Variants in NRXN3 observed in about 807,000 individuals in gnomAD.
NRXN3 encodes the protein neurexin 3.
In NRXN3, 32 loss-of-function variants were observed where a neutral mutation model predicts 137.6. That is an observed-to-expected ratio of 0.23 (90% confidence interval 0.18 to 0.31). NRXN3 has a LOEUF of 0.31. NRXN3 is among the 10% of genes least tolerant of loss of function. The probability of loss-of-function intolerance (pLI) is 1.00; values close to 1 mark genes in which losing one functional copy is unlikely to be tolerated. For missense variants in NRXN3, 1,574 were observed against 2,062.5 expected, an observed-to-expected ratio of 0.76 and a Z score of 4.59; for synonymous variants, 798 against 784.5, an observed-to-expected ratio of 1.02 and a Z score of -0.29.
chr14:78,400,540 C>A (rs2091955987), intron 4 of NRXN3, among the ~76,000 whole-genome samples: 1 of 152,198 alleles, frequency 6.6e-6, no homozygotes, highest in Non-Finnish European at 1.5e-5. Flanking sequence ...ATACATGGGC[C>A]TGAGAATCCT....
intron 15 of NRXN3, among the ~76,000 whole-genome samples, chr14:79,203,485 C>A (rs1325854847): frequency 6.6e-6 from 1 of 152,110 alleles, no homozygotes; most frequent in East Asian, 1.9e-4. Context: ...CCTACATATG[C>A]CCCATCTAGA....
chr14:79,371,172 G>A (rs1944445760), intron 15 of NRXN3, among the ~76,000 whole-genome samples: 1 of 152,120 alleles, frequency 6.6e-6, no homozygotes, highest in Non-Finnish European at 1.5e-5. Flanking sequence ...CTCAGCTGGT[G>A]GCTACATAAT....
intron 15 of NRXN3, among the ~76,000 whole-genome samples, chr14:79,212,891 G>A (rs1468841017): frequency 2.6e-5 from 4 of 151,604 alleles, no homozygotes; most frequent in African/African-American, 9.7e-5. Flanking sequence ...GAAGCAACTT[G>A]AGGGACAAAA....
intron 4 of NRXN3, among the ~76,000 whole-genome samples, chr14:78,304,417 G>T (rs2077162975): frequency 6.6e-6 from 1 of 152,196 alleles, no homozygotes; most frequent in Non-Finnish European, 1.5e-5. Context: ...AAACTGAGCA[G>T]GGTGGGTAGG....
Position 79,862,035 on chromosome 14 carries a change from G to T in NRXN3, c.*71G>T, listed in dbSNP as rs1185774403. 3 of 1,272,984 alleles carry T rather than the reference G, an allele frequency of 2.4e-6. No individual in the cohort carries two copies. The highest frequency in any genetic ancestry group is 2.2e-5 in the Admixed American group (1 of 45,032). 78.9% of individuals were successfully genotyped at this position (1,272,984 alleles called of 1,614,324 possible). ...CCACGCCTATGAATCTTTGGACGGT[G>T]AGATCTCACAGATGTCAGAACTGCT... On this transcript the variant is annotated 3_prime_UTR_variant, in exon 21 of 21. Coordinates refer to ENST00000335750, the MANE Select transcript of NRXN3 (RefSeq NM_001330195.2).
chr14:79,538,562 G>T (rs578201455), intron 16 of NRXN3, among the ~76,000 whole-genome samples: 3 of 151,922 alleles, frequency 2.0e-5, no homozygotes, highest in Non-Finnish European at 4.4e-5. Context: ...ATAGGGAATC[G>T]TTTCCCCACT....
intron 15 of NRXN3, among the ~76,000 whole-genome samples, chr14:79,017,079 C>A (rs1038863340): frequency 1.3e-5 from 2 of 152,118 alleles, no homozygotes; most frequent in African/African-American, 2.4e-5. Flanking sequence ...AAAGCAATGT[C>A]AATTTCTGTC....
chr14:79,091,826 CTGTT>C lies in NRXN3; in HGVS notation c.3262+103690_3262+103693del, dbSNP rs2049258959. Among the ~76,000 whole-genome samples, 14 of 152,058 alleles carry C rather than the reference CTGTT, an allele frequency of 9.2e-5. No homozygotes were observed. The South Asian group carries it at 2.9e-3, about 32-fold the overall frequency. On this transcript the variant is annotated intron_variant, in intron 15 of 20. Transcript: ENST00000335750. ...AACAAAAGTGAATGATTAGGGAGAA[CTGTT>C]TGTTCCAGTGCTCTGGGGACAAAAA...
At chr14:79,058,084 G>T (rs1174667174) in intron 15 of NRXN3, among the ~76,000 whole-genome samples, 1 of 152,042 alleles carries the variant, frequency 6.6e-6, no homozygotes, top group East Asian at 1.9e-4. Context: ...TATGCCTGAT[G>T]CCTCTACATT....
intron 16 of NRXN3, among the ~76,000 whole-genome samples, chr14:79,492,648 C>T (rs565965929): frequency 2.6e-5 from 4 of 152,276 alleles, no homozygotes; most frequent in African/African-American, 7.2e-5. Context: ...TCCCAAAGTG[C>T]TGGGATTACA....
chr14:79,366,723 T>C (rs1277157689), intron 15 of NRXN3, among the ~76,000 whole-genome samples: 2 of 152,218 alleles, frequency 1.3e-5, no homozygotes, highest in Non-Finnish European at 2.9e-5. Flanking sequence ...AGAACTATAG[T>C]GTTTTTATGT....
At chr14:79,208,825 T>G (rs576512861) in intron 15 of NRXN3, among the ~76,000 whole-genome samples, 1 of 152,348 alleles carries the variant, frequency 6.6e-6, no homozygotes, top group East Asian at 1.9e-4. Context: ...GAATTGCCAG[T>G]GTAAGAGTAT....
At chr14:78,787,913 T>C (rs541477125) in intron 8 of NRXN3, among the ~76,000 whole-genome samples, 21 of 152,172 alleles carry the variant, frequency 1.4e-4, no homozygotes, top group African/African-American at 5.1e-4. Context: ...AAGCAGAACG[T>C]CGCCCTTATT....
intron 19 of NRXN3, among the ~76,000 whole-genome samples, chr14:79,778,885 G>C (rs1028103715): frequency 2.0e-5 from 3 of 152,142 alleles, no homozygotes; most frequent in African/African-American, 4.8e-5. Context: ...TAATATAGTG[G>C]TGAAGAGAAA....
At chr14:78,539,261 G>A (rs1204611421) in intron 4 of NRXN3, among the ~76,000 whole-genome samples, 3 of 152,110 alleles carry the variant, frequency 2.0e-5, no homozygotes, top group Non-Finnish European at 4.4e-5. Context: ...TTTTTGGTTG[G>A]TAGGTTATTA....
intron 15 of NRXN3, among the ~76,000 whole-genome samples, chr14:79,044,832 T>G (rs542074197): frequency 0.017 from 2,605 of 151,992 alleles, 79 homozygotes; most frequent in African/African-American, 0.06. Flanking sequence ...CTAGTTTTTT[T>G]TTTTTTTTTC....
chr14:79,342,120 G>A (rs2153365968), intron 15 of NRXN3, among the ~76,000 whole-genome samples: 1 of 152,268 alleles, frequency 6.6e-6, no homozygotes, highest in South Asian at 2.1e-4. Context: ...GGAGGTATTG[G>A]TGAGGGTTGT....
intron 1 of NRXN3, among the ~76,000 whole-genome samples, chr14:78,212,761 G>A (rs2062868473): frequency 6.6e-6 from 1 of 152,134 alleles, no homozygotes; most frequent in South Asian, 2.1e-4. Flanking sequence ...AATGGTAATA[G>A]CCTGCCATTA....
In NRXN3 at chr14:79,663,557, G is replaced by C. The variant is rs144565070; in HGVS notation, c.3445-221G>C. On this transcript the variant is annotated intron_variant, in intron 16 of 20. Coordinates refer to ENST00000335750, the MANE Select transcript of NRXN3 (RefSeq NM_001330195.2). ...GGGAATTGAATGATGTAACCTGTGCGGTGCAGCCTGTGAGAGCAATTTGGG... is the reference window on the plus strand; with the variant it reads ...GGGAATTGAATGATGTAACCTGTGCCGTGCAGCCTGTGAGAGCAATTTGGG... 5.5e-3 allele frequency among the ~76,000 whole-genome samples: 843 copies of C among 152,166 alleles called. 4 individuals are homozygous for C. The highest frequency in any genetic ancestry group is 0.019 in the African/African-American group (786 of 41,528).
Sources: gnomAD v4.1 joint callset for allele counts (sites outside exome capture counted in the v4.1 genomes callset) on GRCh38, gnomAD v4.1.1 for gene constraint, MANE v1.5 for transcripts, NCBI Gene and HGNC (gene_info 2026-07-23, HGNC 2026-07-21) for gene names.